SYNE2: variants seen among roughly 807,000 people sequenced by gnomAD.
SYNE2 encodes spectrin repeat containing nuclear envelope protein 2.
A neutral mutation model predicts 856.3 loss-of-function variants in SYNE2; 431 were observed. The observed-to-expected ratio is 0.50, with a 90% CI of 0.47 to 0.55. The LOEUF (loss-of-function observed/expected upper bound fraction) is 0.55, where lower values mean the gene tolerates loss of function less well. Among genes scored for constraint, SYNE2 ranks in the 20% least tolerant of loss-of-function variants. The pLI is 0.00. For synonymous variants in SYNE2, 2,923 were observed against 2,872.3 expected, an observed-to-expected ratio of 1.02 and a Z score of -0.56; for missense variants, 8,129 against 8,023.2, an observed-to-expected ratio of 1.01 and a Z score of -0.50.
intron 100 of SYNE2, among the ~76,000 whole-genome samples, chr14:64,207,781 T>C (rs1459939265): frequency 1.3e-5 from 2 of 151,236 alleles, no homozygotes; most frequent in Non-Finnish European, 3.0e-5. Context: ...TAGAAATTGG[T>C]ATATTATCAA....
chr14:64,165,624 T>C (rs556586087), intron 90 of SYNE2, among the ~76,000 whole-genome samples: 3 of 151,970 alleles, frequency 2.0e-5, no homozygotes, highest in Non-Finnish European at 2.9e-5. Flanking sequence ...GCCATTCTCC[T>C]GCCTCAGCCT....
Position 63,981,113 on chromosome 14 carries a change from G to C in SYNE2, c.1776G>C (p.Val592=). 6.2e-7 allele frequency: 1 copy of C among 1,613,836 alleles called. No individual in the cohort carries two copies. The highest frequency in any genetic ancestry group is 1.7e-5 in the Admixed American group (1 of 60,018). The change falls in exon 16 of 116, where the codon GTG becomes GTC. Residue 592 remains valine, a synonymous_variant. Coordinates refer to ENST00000555002, the MANE Select transcript of SYNE2 (RefSeq NM_182914.3). The part of the protein sequence containing the change: ...QKVLACWATY[V]ENLRLLRACF... ...TGCTGGCATGTTGGGCTACTTATGT[G>C]GAAAACCTTCGCTTACTAAGGGCTT...
chr14:63,962,043 TTTTA>T (rs2096323860), intron 9 of SYNE2, among the ~76,000 whole-genome samples: 1 of 151,564 alleles, frequency 6.6e-6, no homozygotes, highest in African/African-American at 2.4e-5. Context: ...TTATTTTTAT[TTTTA>T]TTTTTGTTTA....
intron 7 of SYNE2, among the ~76,000 whole-genome samples, chr14:63,954,261 A>G (rs1251344978): frequency 2.0e-5 from 3 of 152,216 alleles, no homozygotes; most frequent in Non-Finnish European, 2.9e-5. Flanking sequence ...GAAAAAGGAA[A>G]TCATTTCCTC....
chr14:63,997,474 G>C, intron 25 of SYNE2, 83 bp downstream of exon 25: 1 of 1,110,686 alleles, frequency 9.0e-7, no homozygotes. Flanking sequence ...CATTAATTAG[G>C]TGTTGGTTTT....
chr14:64,127,493 T>A (rs2153673662), intron 73 of SYNE2, among the ~76,000 whole-genome samples: 1 of 152,308 alleles, frequency 6.6e-6, no homozygotes, highest in Non-Finnish European at 1.5e-5. Context: ...AATGTTTCAT[T>A]TCTTGTATTA....
intron 63 of SYNE2, chr14:64,099,795 A>G (rs971122935): frequency 6.6e-5 from 10 of 151,946 alleles, no homozygotes; most frequent in African/African-American, 2.4e-4. Context: ...CATGTGCACA[A>G]TGTGCAGGTT....
chr14:63,948,470 T>A (rs2096071931), intron 6 of SYNE2, among the ~76,000 whole-genome samples: 1 of 151,590 alleles, frequency 6.6e-6, no homozygotes, highest in South Asian at 2.1e-4. Flanking sequence ...GAGACCAACC[T>A]GACCGACATG....
intron 1 of SYNE2, among the ~76,000 whole-genome samples, chr14:63,788,317 C>A (rs992160930): frequency 6.6e-6 from 1 of 152,130 alleles, no homozygotes; most frequent in African/African-American, 2.4e-5. Context: ...GCAGCTGCAG[C>A]TGCAGCTGCA....
intron 61 of SYNE2, among the ~76,000 whole-genome samples, chr14:64,096,437 G>C (rs573046662): frequency 1.3e-5 from 2 of 152,168 alleles, no homozygotes; most frequent in African/African-American, 2.4e-5. Context: ...TGTGGCCAGG[G>C]GTCTGCAGAT....
intron 45 of SYNE2, among the ~76,000 whole-genome samples, chr14:64,042,171 T>C (rs911031423): frequency 6.6e-6 from 1 of 152,186 alleles, no homozygotes; most frequent in Non-Finnish European, 1.5e-5. Context: ...TATAATCTGT[T>C]AACATGGATA....
At chr14:63,857,409 G>A (rs1319329553) in intron 1 of SYNE2, among the ~76,000 whole-genome samples, 2 of 151,878 alleles carry the variant, frequency 1.3e-5, no homozygotes, top group East Asian at 3.9e-4. Flanking sequence ...TCTGGTTTTG[G>A]GCTATTAAAA....
At chr14:63,867,433 C>T (rs1254453457) in intron 1 of SYNE2, among the ~76,000 whole-genome samples, 2 of 150,890 alleles carry the variant, frequency 1.3e-5, no homozygotes, top group Admixed American at 6.6e-5. Flanking sequence ...TGTGGTGGCT[C>T]ACGCCTGTAA....
At position 64,159,435 on chromosome 14, in the gene SYNE2, C is replaced by T; in HGVS notation, c.16087C>T (p.His5363Tyr). The T allele has an allele frequency of 6.2e-7, 1 of 1,613,636 alleles. No individual in the cohort carries two copies. Among genetic ancestry groups the T allele is most frequent in the Admixed American group, 1.7e-5 (1 of 60,002 alleles). ...EIIEEKCQNT[H>Y]KRWTQVNQAI... The stretch of plus-strand genomic sequence containing the variant: ...AATCGAAGAGAAATGCCAAAATACT[C>T]ATAAAAGGTATGCTTTCAGATATAA... Residue 5363 changes from histidine (H) to tyrosine (Y), a missense_variant, in exon 87 of 116, where the codon CAT (histidine) becomes TAT (tyrosine). Around this residue, in one of 3 missense-constraint regions of SYNE2, gnomAD observed 5,410 missense variants for 5,284.8 expected, o/e 1.02. Coordinates refer to ENST00000555002, the MANE Select transcript of SYNE2 (RefSeq NM_182914.3).
At chr14:64,089,793 A>T (rs1421590936) in intron 59 of SYNE2, 97 bp downstream of exon 59, 1 of 1,076,328 alleles carries the variant, frequency 9.3e-7, no homozygotes, top group African/African-American at 1.6e-5. Context: ...ATTTAGTCTT[A>T]CCAGAGTAAT....
intron 100 of SYNE2, chr14:64,208,074 T>C (rs2098617171): frequency 2.2e-6 from 1 of 455,966 alleles, no homozygotes; most frequent in African/African-American, 2.0e-5. Flanking sequence ...TCATAAATGT[T>C]ATTTTTCCCA....
intron 89 of SYNE2, among the ~76,000 whole-genome samples, chr14:64,164,256 C>T (rs1402058423): frequency 6.6e-6 from 1 of 152,078 alleles, no homozygotes; most frequent in African/African-American, 2.4e-5. Context: ...ACTACAGGTG[C>T]CTGCCACCAT....
At chr14:64,064,697 G>T (rs1303741297) in intron 50 of SYNE2, among the ~76,000 whole-genome samples, 1 of 151,832 alleles carries the variant, frequency 6.6e-6, no homozygotes, top group Non-Finnish European at 1.5e-5. Flanking sequence ...GGGGCTACAG[G>T]CATACACCAC....
chr14:64,162,157 C>G lies in SYNE2; in HGVS notation c.16180C>G (p.His5394Asp), dbSNP rs748141055. The stretch of plus-strand genomic sequence containing the variant: ...GCTCTGGAAGGCCTATAGCAATGCT[C>G]ATGGTGAAGCTGCCGCAAGGCTGAA... Reference protein sequence around the residue: ...LQLWKAYSNAHGEAAARLKQQ... With the variant: ...LQLWKAYSNADGEAAARLKQQ... The change falls in exon 88 of 116, where the codon CAT becomes GAT. Residue 5394 changes from histidine to aspartate, a missense_variant. Around this residue, in one of 3 missense-constraint regions of SYNE2, gnomAD observed 5,410 missense variants for 5,284.8 expected, o/e 1.02. Coordinates refer to ENST00000555002, the MANE Select transcript of SYNE2 (RefSeq NM_182914.3). 3.7e-6 allele frequency: 6 copies of G among 1,614,192 alleles called. No individual in the cohort carries two copies. The South Asian group carries it at 6.6e-5, about 18-fold the overall frequency.
Sources: allele counts gnomAD v4.1 joint callset (sites outside exome capture counted in the v4.1 genomes callset), GRCh38; gene constraint gnomAD v4.1.1; regional missense constraint gnomAD v4.1.1; transcripts MANE v1.5; gene names NCBI Gene and HGNC (gene_info 2026-07-23, HGNC 2026-07-21).